Variants in SHC4 observed in about 807,000 individuals in gnomAD.
SHC4 encodes the protein SHC-transforming protein 4.
A neutral mutation model predicts 69.4 loss-of-function variants in SHC4; 41 were observed. That is an observed-to-expected ratio of 0.59 (90% CI 0.46 to 0.77). The LOEUF is 0.77. Among genes scored for constraint, SHC4 ranks in the 30% least tolerant of loss-of-function variants. The probability of loss-of-function intolerance (pLI) is 0.00; values close to 1 mark genes in which losing one functional copy is unlikely to be tolerated. For synonymous variants in SHC4, 318 were observed against 299.3 expected (o/e 1.06, Z -0.64); for missense variants, 777 against 783.8 (o/e 0.99, Z 0.10).
intron 4 of SHC4, chr15:48,878,173 C>A: frequency 6.5e-7 from 1 of 1,548,276 alleles, no homozygotes; most frequent in South Asian, 1.2e-5. Flanking sequence ...GAGCGGTTTG[C>A]ACAATGTCGG....
chr15:48,841,689 C>T (rs1035158296), intron 10 of SHC4, among the ~76,000 whole-genome samples: 1 of 152,236 alleles, frequency 6.6e-6, no homozygotes, highest in Non-Finnish European at 1.5e-5. Flanking sequence ...TCTCCCACTC[C>T]AGCCAATCCT....
At chr15:48,878,693 C>T in intron 4 of SHC4, 1 of 1,613,948 alleles carries the variant, frequency 6.2e-7, no homozygotes, top group Non-Finnish European at 8.5e-7. Flanking sequence ...GGTTGTCAAT[C>T]GTCTGACCGA....
At chr15:48,928,100 G>A (rs1481921321) in intron 1 of SHC4, among the ~76,000 whole-genome samples, 4 of 152,194 alleles carry the variant, frequency 2.6e-5, no homozygotes, top group African/African-American at 9.6e-5. Flanking sequence ...GGGAGGTGAA[G>A]GCTTGGCTGG....
rs1208135088 is a variant in SHC4, at chr15:48,828,115, G to GTGTA, written c.1738-1990_1738-1989insTACA. ...TGTATGTGTGTGTGTGTGTGTGTGT[G>GTGTA]TATATATATATATATATATACATCT... On this transcript the variant is annotated intron_variant, in intron 11 of 11. Coordinates refer to ENST00000332408, the MANE Select transcript of SHC4 (RefSeq NM_203349.4). Among the ~76,000 whole-genome samples, 330 of 75,260 alleles carry GTGTA rather than the reference G, an allele frequency of 4.4e-3. 1 individual carries two copies. The highest frequency in any genetic ancestry group is 0.011 in the African/African-American group (323 of 30,316). 49.4% of individuals were successfully genotyped at this position (75,260 alleles called of 152,430 possible).
intron 4 of SHC4, chr15:48,877,257 A>AC (rs1899824792): frequency 4.1e-6 from 1 of 243,256 alleles, no homozygotes; most frequent in African/African-American, 2.3e-5. Flanking sequence ...CCCAGATGGG[A>AC]CCATCTAGTT....
chr15:48,940,997 A>G (rs59258530), intron 1 of SHC4, among the ~76,000 whole-genome samples: 3,572 of 152,276 alleles, frequency 0.023, 150 homozygotes, highest in African/African-American at 0.082. Context: ...GGAGCAGTGA[A>G]TTCTGACTCC....
chr15:48,879,750 G>T (rs1899903536), intron 4 of SHC4: 2 of 167,012 alleles, frequency 1.2e-5, no homozygotes, highest in African/African-American at 4.8e-5. Context: ...CTCTAATTAA[G>T]CTTGTTATTT....
intron 2 of SHC4, among the ~76,000 whole-genome samples, chr15:48,902,192 G>A (rs1463651828): frequency 7.1e-6 from 1 of 141,606 alleles, no homozygotes; most frequent in Non-Finnish European, 1.5e-5. Flanking sequence ...CAGGAAGTGA[G>A]ACTGTGTCTC....
intron 2 of SHC4, among the ~76,000 whole-genome samples, chr15:48,893,849 A>G (rs1055178981): frequency 1.5e-4 from 23 of 152,228 alleles, no homozygotes; most frequent in Non-Finnish European, 3.1e-4. Flanking sequence ...GTGGTGGCAC[A>G]TACTTGTAGT....
At chr15:48,931,071 ACT>A (rs1159434176) in intron 1 of SHC4, among the ~76,000 whole-genome samples, 2 of 151,158 alleles carry the variant, frequency 1.3e-5, no homozygotes, top group African/African-American at 4.9e-5. Context: ...TTTCCTCTGA[ACT>A]CTCTTCTTTA....
intron 2 of SHC4, among the ~76,000 whole-genome samples, chr15:48,910,375 T>A (rs1301688748): frequency 6.6e-6 from 1 of 152,172 alleles, no homozygotes; most frequent in Non-Finnish European, 1.5e-5. Flanking sequence ...CCTTGAATGA[T>A]CTTTTGTATT....
At chr15:48,831,293 T>C (rs559933431) in intron 11 of SHC4, among the ~76,000 whole-genome samples, 3 of 152,162 alleles carry the variant, frequency 2.0e-5, no homozygotes, top group African/African-American at 7.2e-5. Context: ...TCTAAGTGCA[T>C]AGTGTTTATA....
chr15:48,919,020 T>C (rs1900682795), intron 2 of SHC4, among the ~76,000 whole-genome samples: 1 of 152,072 alleles, frequency 6.6e-6, no homozygotes, highest in Non-Finnish European at 1.5e-5. Flanking sequence ...GAAGCTGGGA[T>C]GGGGACAGGA....
chr15:48,954,808 T>C (rs1901417932), intron 1 of SHC4, among the ~76,000 whole-genome samples: 4 of 152,294 alleles, frequency 2.6e-5, no homozygotes, highest in Middle Eastern at 3.4e-3. Flanking sequence ...TCCATTCTCT[T>C]CCCTCCACTT....
At chr15:48,916,302 CA>C (rs1196434467) in intron 2 of SHC4, among the ~76,000 whole-genome samples, 1 of 151,652 alleles carries the variant, frequency 6.6e-6, no homozygotes, top group African/African-American at 2.4e-5. Flanking sequence ...CACACACACA[CA>C]CACACACACA....
intron 6 of SHC4, among the ~76,000 whole-genome samples, chr15:48,858,538 G>A (rs1305205002): frequency 6.6e-6 from 1 of 152,214 alleles, no homozygotes; most frequent in Non-Finnish European, 1.5e-5. Flanking sequence ...AAACAAGTTA[G>A]GGTGCGGGCA....
chr15:48,836,149 C>T (rs757189670), intron 10 of SHC4, among the ~76,000 whole-genome samples: 3 of 151,810 alleles, frequency 2.0e-5, no homozygotes, highest in East Asian at 1.9e-4. Context: ...GCCAAGATCG[C>T]GCCACTGCAC....
At chr15:48,850,396 A>T (rs889931168) in intron 9 of SHC4, among the ~76,000 whole-genome samples, 1 of 152,106 alleles carries the variant, frequency 6.6e-6, no homozygotes. Context: ...GTGTAATTCC[A>T]TAAGAAATAA....
Position 48,876,500 on chromosome 15 carries a change from T to C in SHC4, c.841-4358A>G, listed in dbSNP as rs1410368494. 4 of 541,262 alleles carry C rather than the reference T, an allele frequency of 7.4e-6. No homozygotes were observed. In the Admixed American group the frequency reaches 1.2e-4, roughly 16 times the overall value. The allele number at this position is 541,262 out of a possible 1,614,324, so 33.5% of individuals were successfully genotyped here. Reference sequence around the variant, plus strand: ...ACACATACACACATACATATACACATATATATGTATATATATGTAAAGGGG... The same window carrying C: ...ACACATACACACATACATATACACACATATATGTATATATATGTAAAGGGG... On this transcript the variant is annotated intron_variant, in intron 4 of 11. Coordinates refer to ENST00000332408, the MANE Select transcript of SHC4 (RefSeq NM_203349.4).
Sources: allele counts gnomAD v4.1 joint callset (sites outside exome capture counted in the v4.1 genomes callset), GRCh38; gene constraint gnomAD v4.1.1; transcripts MANE v1.5; gene names NCBI Gene and HGNC (gene_info 2026-07-23, HGNC 2026-07-21).